Variants in RPAIN observed in about 807,000 individuals in gnomAD.
The protein encoded by RPAIN is RPA-interacting protein.
Under a neutral mutation model 30.5 loss-of-function variants are expected in RPAIN, and 29 were observed. The ratio of observed to expected loss-of-function variants is 0.95; its 90% confidence interval spans 0.71 to 1.30. RPAIN has a LOEUF of 1.30. Among genes scored for constraint, RPAIN ranks in the 50% most tolerant of loss-of-function variants. The probability of loss-of-function intolerance (pLI) is 0.00; values close to 1 mark genes in which losing one functional copy is unlikely to be tolerated. For synonymous variants in RPAIN, 101 were observed against 93.5 expected (o/e 1.08, Z -0.46); for missense variants, 247 against 264.7 (o/e 0.93, Z 0.46).
In RPAIN at chr17:5,420,188, G is replaced by A. The variant is rs750747798; in HGVS notation, c.-23G>A. On this transcript the variant is annotated 5_prime_UTR_variant, in exon 1 of 7. Transcript: ENST00000381209. ...GCGCCTCCAGGGAACGGGTCTTGTG[G>A]CTTTGTCTCCCGCGAAGAGGAGATG... 6.2e-7 allele frequency: 1 copy of A among 1,612,572 alleles called. No homozygotes were observed. The highest frequency in any genetic ancestry group is 8.5e-7 in the Non-Finnish European group (1 of 1,179,486).
intron 6 of RPAIN, chr17:5,431,704 G>C (rs1277857619): frequency 2.2e-6 from 1 of 452,142 alleles, no homozygotes; most frequent in Non-Finnish European, 4.4e-6. Flanking sequence ...ATAGGGGTGG[G>C]TTACAGAAGA....
Position 5,432,779 on chromosome 17 carries a change from G to T in RPAIN, c.*208G>T. 1 of 756,186 alleles carries T rather than the reference G, an allele frequency of 1.3e-6. No homozygotes were observed. The highest frequency in any genetic ancestry group is 2.0e-6 in the Non-Finnish European group (1 of 493,172). The allele number at this position is 756,186 out of a possible 1,614,324, so 46.8% of individuals were successfully genotyped here. A position where few individuals can be genotyped will look rare whatever the true frequency, so the allele number is the denominator to read the frequency against. The stretch of plus-strand genomic sequence containing the variant: ...GGAATAGAAAAAGACAAACTGCCTT[G>T]GAGGAGATAAACCAATTTTATGTCT... On this transcript the variant is annotated 3_prime_UTR_variant, in exon 7 of 7. Transcript: ENST00000381209.
At chr17:5,427,813 T>C (rs1178598649) in intron 5 of RPAIN, 1 of 499,290 alleles carries the variant, frequency 2.0e-6, no homozygotes, top group Non-Finnish European at 3.6e-6. Context: ...CTACAATCTC[T>C]GAGCGTTCTT....
At chr17:5,430,067 C>T (rs1157916567) in intron 6 of RPAIN, 2 of 152,682 alleles carry the variant, frequency 1.3e-5, no homozygotes, top group East Asian at 3.8e-4. Context: ...ACTCGGGAGG[C>T]TGGGGCAGGA....
Position 5,432,842 on chromosome 17 carries a change from A to G in RPAIN, c.*271A>G. ...AAAAATCTAGAAATAATAGATTTGT[A>G]CAGAAAAAAATGATAATAAATGAGA... On this transcript the variant is annotated 3_prime_UTR_variant, in exon 7 of 7. Coordinates refer to ENST00000381209, the MANE Select transcript of RPAIN (RefSeq NM_001033002.4). 1 of 941,420 alleles carries G rather than the reference A, an allele frequency of 1.1e-6. No individual in the cohort carries two copies. The highest frequency in any genetic ancestry group is 1.7e-5 in the African/African-American group (1 of 59,958). The allele number at this position is 941,420 out of a possible 1,614,324, so 58.3% of individuals were successfully genotyped here.
intron 2 of RPAIN, among the ~76,000 whole-genome samples, chr17:5,422,466 T>G (rs144203937): frequency 2.1e-3 from 325 of 152,310 alleles, no homozygotes; most frequent in African/African-American, 7.3e-3. Flanking sequence ...AAACTGAGAT[T>G]TGCAGAGATT....
chr17:5,431,303 A>G (rs972460340), intron 6 of RPAIN: 1 of 373,086 alleles, frequency 2.7e-6, no homozygotes, highest in Non-Finnish European at 5.2e-6. Flanking sequence ...CCTGGGCAAC[A>G]TGGTGAAACC....
In RPAIN at chr17:5,431,180, G is replaced by A. The variant is rs1357257104; in HGVS notation, c.631-1362G>A. The A allele has an allele frequency of 1.5e-5, 5 of 324,424 alleles. No individual in the cohort carries two copies. The East Asian group carries it at 4.9e-4, about 32-fold the overall frequency. 20.1% of individuals were successfully genotyped at this position (324,424 alleles called of 1,614,324 possible). A position where few individuals can be genotyped will look rare whatever the true frequency, so the allele number is the denominator to read the frequency against. ...TTGTTGGGTAAGTGAGGGGAGGTGGGGGTCACAGCAAATATGAGAAACACA... is the reference window on the plus strand; with the variant it reads ...TTGTTGGGTAAGTGAGGGGAGGTGGAGGTCACAGCAAATATGAGAAACACA... On this transcript the variant is annotated intron_variant, in intron 6 of 6. Transcript: ENST00000381209.
intron 1 of RPAIN, 112 bp downstream of exon 1, chr17:5,420,403 C>T: frequency 1.2e-6 from 1 of 868,014 alleles, no homozygotes; most frequent in Admixed American, 2.6e-5. Flanking sequence ...CGCGCCTGGT[C>T]TGGTCAAACC....
chr17:5,422,871 C>T (rs765983797), intron 3 of RPAIN, 42 bp downstream of exon 3: 2 of 1,444,394 alleles, frequency 1.4e-6, no homozygotes, highest in Non-Finnish European at 1.9e-6. Context: ...TATTTAGCTA[C>T]TGGAATACTG....
intron 5 of RPAIN, chr17:5,426,960 C>T (rs532810843): frequency 6.6e-6 from 1 of 152,124 alleles, no homozygotes; most frequent in African/African-American, 2.4e-5. Context: ...TCTTAAAATA[C>T]AGAAAAAGCC....
In RPAIN at chr17:5,432,604, T is replaced by C; in HGVS notation, c.*33T>C. 1.9e-6 allele frequency: 3 copies of C among 1,600,560 alleles called. No homozygotes were observed. The highest frequency in any genetic ancestry group is 2.6e-6 in the Non-Finnish European group (3 of 1,167,612). On this transcript the variant is annotated 3_prime_UTR_variant, in exon 7 of 7. Transcript: ENST00000381209. The stretch of plus-strand genomic sequence containing the variant: ...TTGGACTCACATCATTCTATGGGGT[T>C]GAAGACAACTCATTCCCTCTGAGGA...
chr17:5,421,443 A>G lies in RPAIN; in HGVS notation c.229A>G (p.Asn77Asp), dbSNP rs756754142. The G allele has an allele frequency of 2.3e-5, 37 of 1,613,712 alleles. No homozygotes were observed. The South Asian group carries it at 3.6e-4, about 16-fold the overall frequency. The change falls in exon 2 of 7, where the codon AAT becomes GAT. Residue 77 changes from asparagine to aspartate, a missense_variant. Coordinates refer to ENST00000381209, the MANE Select transcript of RPAIN (RefSeq NM_001033002.4). ...EEWNALQSVE[N>D]CPEDLAQLEE... ...GTGGAATGCTTTGCAGTCAGTGGAG[A>G]ATTGTCCAGAAGACTTGGCTCAGGT...
intron 6 of RPAIN, chr17:5,428,944 A>G (rs896322455): frequency 7.9e-5 from 77 of 970,736 alleles, no homozygotes; most frequent in Non-Finnish European, 8.4e-5. Flanking sequence ...TGGCCCTGTC[A>G]TTCCAAATGC....
intron 6 of RPAIN, chr17:5,431,787 G>C (rs2151673706): frequency 1.1e-5 from 4 of 380,426 alleles, no homozygotes; most frequent in South Asian, 5.9e-5. Context: ...GATGGAATAT[G>C]CCAAACCGCC....
At chr17:5,431,356 T>A (rs145936662) in intron 6 of RPAIN, 8,562 of 425,750 alleles carry the variant, frequency 0.02, 144 homozygotes, top group Middle Eastern at 0.057. Context: ...GTGTGGTGGC[T>A]CGCACCTGTA....
intron 3 of RPAIN, among the ~76,000 whole-genome samples, chr17:5,424,074 T>G (rs1410775824): frequency 6.6e-6 from 1 of 151,492 alleles, no homozygotes; most frequent in Non-Finnish European, 1.5e-5. Context: ...TGTGGCTTCA[T>G]CCTCCTAGGC....
Position 5,432,614 on chromosome 17 carries a change from T to C in RPAIN, c.*43T>C. The C allele has an allele frequency of 6.3e-7, 1 of 1,577,178 alleles. No homozygotes were observed. Among genetic ancestry groups the C allele is most frequent in the Non-Finnish European group, 8.7e-7 (1 of 1,146,530 alleles). On this transcript the variant is annotated 3_prime_UTR_variant, in exon 7 of 7. Coordinates refer to ENST00000381209, the MANE Select transcript of RPAIN (RefSeq NM_001033002.4). ...ATCATTCTATGGGGTTGAAGACAAC[T>C]CATTCCCTCTGAGGAGCCTTGTACA...
Position 5,432,854 on chromosome 17 carries a change from GATA to G in RPAIN, c.*288_*290del. ...ATAATAGATTTGTACAGAAAAAAAT[GATA>G]ATAAATGAGAACACAAAACATATAA... On this transcript the variant is annotated 3_prime_UTR_variant, in exon 7 of 7. Transcript: ENST00000381209. 3 of 953,680 alleles carry G rather than the reference GATA, an allele frequency of 3.1e-6. No homozygotes were observed. Among genetic ancestry groups the G allele is most frequent in the Non-Finnish European group, 4.5e-6 (3 of 673,970 alleles). The allele number at this position is 953,680 out of a possible 1,614,324, so 59.1% of individuals were successfully genotyped here. A position where few individuals can be genotyped will look rare whatever the true frequency, so the allele number is the denominator to read the frequency against.
Sources: allele counts gnomAD v4.1 joint callset (sites outside exome capture counted in the v4.1 genomes callset), GRCh38; gene constraint gnomAD v4.1.1; transcripts MANE v1.5; gene names NCBI Gene and HGNC (gene_info 2026-07-23, HGNC 2026-07-21).